The following EYS variants were observed in gnomAD, a reference collection of about 807,000 sequenced individuals.
EYS encodes the protein EGF-like photoreceptor maintenance factor.
A neutral mutation model predicts 282.1 loss-of-function variants in EYS; 250 were observed. The ratio of observed to expected loss-of-function variants is 0.89; its 90% CI spans 0.80 to 0.98. EYS has a LOEUF of 0.98. EYS is among the 50% of genes least tolerant of loss of function. The probability of loss-of-function intolerance (pLI) is 0.00; values close to 1 mark genes in which losing one functional copy is unlikely to be tolerated. For missense variants in EYS, 4,016 were observed against 3,709.0 expected, an observed-to-expected ratio of 1.08 and a Z score of -2.15; for synonymous variants, 1,355 against 1,282.9, an observed-to-expected ratio of 1.06 and a Z score of -1.20.
intron 26 of EYS, among the ~76,000 whole-genome samples, chr6:64,464,280 C>T (rs997210162): frequency 6.6e-5 from 10 of 152,044 alleles, no homozygotes; most frequent in Non-Finnish European, 8.8e-5. Context: ...CAGCAAATTA[C>T]GTATAGAAGG....
chr6:65,266,893 T>C (rs1041752225), intron 12 of EYS, among the ~76,000 whole-genome samples: 11 of 149,018 alleles, frequency 7.4e-5, no homozygotes, highest in African/African-American at 2.5e-4. Context: ...TGTGCATATA[T>C]ATATATATAT....
At chr6:64,635,656 G>A (rs942392899) in intron 22 of EYS, among the ~76,000 whole-genome samples, 4 of 152,268 alleles carry the variant, frequency 2.6e-5, no homozygotes, top group South Asian at 2.1e-4. Flanking sequence ...AACCAGCCTT[G>A]CATCCCAGGG....
At chr6:63,747,939 C>T (rs1047701211) in intron 41 of EYS, among the ~76,000 whole-genome samples, 2 of 152,058 alleles carry the variant, frequency 1.3e-5, no homozygotes, top group Admixed American at 1.3e-4. Flanking sequence ...GGGCATTTAG[C>T]ACATTTACAT....
intron 31 of EYS, among the ~76,000 whole-genome samples, chr6:64,085,632 TG>T (rs201697671): frequency 0.01 from 1,573 of 152,310 alleles, 26 homozygotes; most frequent in African/African-American, 0.036. Context: ...GCACCTCATT[TG>T]TTTACAGTGT....
intron 4 of EYS, 102 bp from the exon 5 acceptor site, chr6:65,490,809 T>A (rs553856000): frequency 3.9e-5 from 28 of 712,278 alleles, no homozygotes; most frequent in Non-Finnish European, 6.1e-5. Context: ...TTCTGACTAA[T>A]GTAATTTCAG....
intron 29 of EYS, among the ~76,000 whole-genome samples, chr6:64,350,440 C>T (rs1232575670): frequency 7.5e-6 from 1 of 134,020 alleles, no homozygotes; most frequent in Non-Finnish European, 1.6e-5. Context: ...AACCCACTAT[C>T]CAGTTATTGC....
intron 12 of EYS, among the ~76,000 whole-genome samples, chr6:65,171,215 A>G (rs1469751010): frequency 2.0e-5 from 3 of 151,566 alleles, no homozygotes; most frequent in Non-Finnish European, 4.4e-5. Flanking sequence ...TTGAGATATT[A>G]CTGATTTCCT....
At chr6:65,531,752 C>T (rs1372293738) in intron 2 of EYS, among the ~76,000 whole-genome samples, 1 of 152,148 alleles carries the variant, frequency 6.6e-6, no homozygotes, top group African/African-American at 2.4e-5. Context: ...CAGGTGCCCA[C>T]AGATGCTGAT....
intron 33 of EYS, among the ~76,000 whole-genome samples, chr6:64,000,504 T>G (rs1768046544): frequency 1.3e-5 from 2 of 151,846 alleles, no homozygotes; most frequent in African/African-American, 4.8e-5. Flanking sequence ...CCGGCAGGAC[T>G]TTTAGTTTTA....
rs553725889 is a variant in EYS at position 65,682,948 on chromosome 6, T to C, written c.-448+24187A>G. Among the ~76,000 whole-genome samples, 8 of 152,056 alleles carry C rather than the reference T, an allele frequency of 5.3e-5. No individual in the cohort carries two copies. The East Asian group carries it at 1.4e-3, about 26-fold the overall frequency. On this transcript the variant is annotated intron_variant, in intron 1 of 42. Coordinates refer to ENST00000503581, the MANE Select transcript of EYS (RefSeq NM_001142800.2). ...AAAGGAAAGTTTAGGCCACTATCAATAAGTTGGGCTTTATTTGTAAATGAT... is the reference window on the plus strand; with the variant it reads ...AAAGGAAAGTTTAGGCCACTATCAACAAGTTGGGCTTTATTTGTAAATGAT...
intron 24 of EYS, among the ~76,000 whole-genome samples, chr6:64,594,297 C>G (rs1442539469): frequency 6.6e-6 from 1 of 152,164 alleles, no homozygotes; most frequent in Non-Finnish European, 1.5e-5. Flanking sequence ...TAGGAAAGAA[C>G]TAACACCAAG....
chr6:64,883,729 G>C (rs555991652), intron 19 of EYS, among the ~76,000 whole-genome samples: 2 of 151,596 alleles, frequency 1.3e-5, no homozygotes, highest in East Asian at 3.9e-4. Context: ...CAAATCTACT[G>C]ATAAACTGAT....
chr6:64,273,564 T>A (rs1349551444), intron 30 of EYS, among the ~76,000 whole-genome samples: 2 of 152,210 alleles, frequency 1.3e-5, no homozygotes, highest in African/African-American at 4.8e-5. Flanking sequence ...TTTTGAGGAC[T>A]ACTATCCTAA....
At chr6:65,196,936 T>A (rs992504078) in intron 12 of EYS, among the ~76,000 whole-genome samples, 3 of 151,996 alleles carry the variant, frequency 2.0e-5, no homozygotes, top group East Asian at 1.9e-4. Context: ...GTGGCTGCAA[T>A]GGGGTGCCAG....
intron 14 of EYS, among the ~76,000 whole-genome samples, chr6:64,956,548 C>T (rs976040077): frequency 6.6e-6 from 1 of 152,240 alleles, no homozygotes; most frequent in East Asian, 1.9e-4. Flanking sequence ...GCAATAACCA[C>T]AAGCACAGGC....
chr6:65,242,975 G>A (rs1363406318), intron 12 of EYS, among the ~76,000 whole-genome samples: 3 of 151,882 alleles, frequency 2.0e-5, no homozygotes, highest in Non-Finnish European at 4.4e-5. Flanking sequence ...TTTCTGTATT[G>A]TTATTGAATT....
chr6:64,506,908 T>TAAAAAAAAAAAAAAAAAAA (rs530521158), intron 26 of EYS, among the ~76,000 whole-genome samples: 12 of 97,722 alleles, frequency 1.2e-4, no homozygotes, highest in East Asian at 6.6e-4. Flanking sequence ...GGCTGTGTCT[T>TAAAAAAAAAAAAAAAAAAA]AAAAAAAAAA....
At chr6:64,715,546 G>A (rs1562151270) in intron 22 of EYS, among the ~76,000 whole-genome samples, 1 of 152,132 alleles carries the variant, frequency 6.6e-6, no homozygotes, top group Non-Finnish European at 1.5e-5. Flanking sequence ...TGATTAACCT[G>A]GCTTATTCAC....
In EYS at chr6:65,608,750, A is replaced by T. The variant is rs141696246; in HGVS notation, c.-333+31028T>A. Among the ~76,000 whole-genome samples the T allele has an allele frequency of 3.5e-3, 532 of 152,128 alleles. 3 individuals carry two copies. Among genetic ancestry groups the T allele is most frequent in the African/African-American group, 0.012 (514 of 41,544 alleles). ...TATATAAGCTTTTTATAAAAATTTT[A>T]AAAGATTTATTTTCGTTTGTAGTTT... is the stretch of plus-strand genomic sequence containing the variant. On this transcript the variant is annotated intron_variant, in intron 2 of 42. Transcript: ENST00000503581.
Sources: allele counts gnomAD v4.1 joint callset (sites outside exome capture counted in the v4.1 genomes callset), GRCh38; gene constraint gnomAD v4.1.1; transcripts MANE v1.5; gene names NCBI Gene and HGNC (gene_info 2026-07-23, HGNC 2026-07-21).